Variants in FREM2 observed in about 807,000 individuals in gnomAD.
The protein encoded by FREM2 is FRAS1-related extracellular matrix protein 2.
In FREM2, 119 loss-of-function variants were observed where a neutral mutation model predicts 219.9. That is an observed-to-expected ratio of 0.54 (90% CI 0.47 to 0.63). The LOEUF is 0.63. FREM2 is among the 30% of genes least tolerant of loss of function. The probability of loss-of-function intolerance (pLI) is 0.00; values close to 1 mark genes in which losing one functional copy is unlikely to be tolerated. For synonymous variants in FREM2, 1,562 were observed against 1,522.8 expected, an observed-to-expected ratio of 1.03 and a Z score of -0.60; for missense variants, 4,030 against 3,993.6, an observed-to-expected ratio of 1.01 and a Z score of -0.25.
intron 6 of FREM2, among the ~76,000 whole-genome samples, chr13:38,839,092 G>A (rs1402129378): frequency 6.6e-6 from 1 of 151,992 alleles, no homozygotes; most frequent in African/African-American, 2.4e-5. Context: ...TCATCTTCGT[G>A]GATTTATCTA....
At position 38,692,077 on chromosome 13, in the gene FREM2, A is replaced by G. The variant is rs749632526; in HGVS notation, c.4733A>G (p.His1578Arg). 30 of 1,614,076 alleles carry G rather than the reference A, an allele frequency of 1.9e-5. No individual in the cohort carries two copies. The highest frequency in any genetic ancestry group is 2.5e-6 in the Non-Finnish European group (3 of 1,180,032). The change falls in exon 1 of 24, where the codon CAT becomes CGT. Residue 1578 changes from histidine (H) to arginine (R), a missense_variant. Physicochemically the swap from His to Arg is conservative, Grantham distance 29 (BLOSUM62 0). Transcript: ENST00000280481. ...LKFTITQVPI[H>R]GHLLFNNTRP... ...TTCACTATCACCCAGGTGCCTATTC[A>G]TGGCCATCTCCTATTCAACAATACC...
intron 6 of FREM2, among the ~76,000 whole-genome samples, chr13:38,790,155 T>A (rs1340498172): frequency 4.6e-5 from 7 of 152,112 alleles, no homozygotes; most frequent in Non-Finnish European, 7.4e-5. Flanking sequence ...TATTGAGACA[T>A]TTTTTCCCCG....
chr13:38,810,924 G>C (rs1167675219), intron 6 of FREM2, among the ~76,000 whole-genome samples: 1 of 152,014 alleles, frequency 6.6e-6, no homozygotes, highest in Non-Finnish European at 1.5e-5. Flanking sequence ...ATTCAGCAGT[G>C]AAGCTGTCAG....
At chr13:38,879,020 A>G (rs1320550095) in intron 23 of FREM2, 43 bp downstream of exon 23, 4 of 1,583,616 alleles carry the variant, frequency 2.5e-6, no homozygotes, top group African/African-American at 1.3e-5. Context: ...GTGTACCCAC[A>G]TGCAAGTTAT....
chr13:38,808,168 T>C (rs1186663221), intron 6 of FREM2, among the ~76,000 whole-genome samples: 1 of 151,966 alleles, frequency 6.6e-6, no homozygotes, highest in Non-Finnish European at 1.5e-5. Flanking sequence ...TCCCAACTTT[T>C]CTTCTGAAGC....
At chr13:38,780,865 A>G (rs1158525501) in intron 4 of FREM2, among the ~76,000 whole-genome samples, 3 of 152,158 alleles carry the variant, frequency 2.0e-5, no homozygotes, top group East Asian at 3.9e-4. Flanking sequence ...ACAGCCTCCA[A>G]TGAGGTCACA....
intron 6 of FREM2, among the ~76,000 whole-genome samples, chr13:38,811,542 A>T (rs1388921474): frequency 5.3e-5 from 8 of 151,946 alleles, no homozygotes; most frequent in African/African-American, 1.9e-4. Context: ...TTTCCTTCTT[A>T]ATTTCTGCAT....
At chr13:38,804,324 C>T (rs1368240274) in intron 6 of FREM2, among the ~76,000 whole-genome samples, 2 of 150,648 alleles carry the variant, frequency 1.3e-5, no homozygotes, top group Non-Finnish European at 2.9e-5. Context: ...AATTTTTCCA[C>T]ATGAGAAGGA....
rs149117682 is a variant in FREM2 at position 38,884,291 on chromosome 13, A to G, written c.*3504A>G. ...GTGTGCCAACTCCAAAGTCAACATTAAAAATGTAAATGGACCTGTGTAAAT... is the reference window on the plus strand; with the variant it reads ...GTGTGCCAACTCCAAAGTCAACATTGAAAATGTAAATGGACCTGTGTAAAT... On this transcript the variant is annotated 3_prime_UTR_variant, in exon 24 of 24. Transcript: ENST00000280481. 2.0e-5 allele frequency: 3 copies of G among 152,336 alleles called. No homozygotes were observed. In the East Asian group the frequency reaches 5.8e-4, roughly 29 times the overall value. 9.4% of individuals were successfully genotyped at this position (152,336 alleles called of 1,614,324 possible).
chr13:38,755,600 C>CT (rs1566130088), intron 2 of FREM2, among the ~76,000 whole-genome samples: 1 of 152,152 alleles, frequency 6.6e-6, no homozygotes, highest in Non-Finnish European at 1.5e-5. Flanking sequence ...GATGATTAAA[C>CT]TTTTCTATAG....
intron 2 of FREM2, among the ~76,000 whole-genome samples, chr13:38,728,878 C>T (rs1871646682): frequency 1.3e-5 from 2 of 152,160 alleles, no homozygotes; most frequent in African/African-American, 2.4e-5. Context: ...TCCTGTTGCC[C>T]AGGCTGGAGT....
At chr13:38,776,769 A>C (rs1764654661) in intron 4 of FREM2, among the ~76,000 whole-genome samples, 1 of 151,192 alleles carries the variant, frequency 6.6e-6, no homozygotes, top group Non-Finnish European at 1.5e-5. Flanking sequence ...TTGTCTCTAA[A>C]TCTAAAACTG....
chr13:38,788,428 T>C (rs1874420833), intron 6 of FREM2, among the ~76,000 whole-genome samples: 2 of 152,134 alleles, frequency 1.3e-5, no homozygotes, highest in African/African-American at 4.8e-5. Context: ...CACAGAATCC[T>C]TTTGGTTGAG....
At chr13:38,769,925 C>T (rs765986704) in intron 4 of FREM2, 117 bp downstream of exon 4, 4 of 777,422 alleles carry the variant, frequency 5.1e-6, no homozygotes, top group East Asian at 5.3e-5. Context: ...ATAGAGAGAA[C>T]CTTCTAGATT....
Position 38,764,370 on chromosome 13 carries a change from A to G in FREM2, c.5330A>G (p.Tyr1777Cys). ...GCATGGATCTCCTTTGAAAAGGAAT[A>G]TTACCTGGTCAATGAGGACTCCAAA... Reference protein sequence around the residue: ...NWAWISFEKEYYLVNEDSKFL... With the variant: ...NWAWISFEKECYLVNEDSKFL... The change falls in exon 3 of 24, where the codon TAT becomes TGT. Residue 1777 changes from tyrosine to cysteine, a missense_variant. Transcript: ENST00000280481. 1 of 1,606,358 alleles carries G rather than the reference A, an allele frequency of 6.2e-7. No homozygotes were observed.
At chr13:38,816,785 G>A (rs1468894326) in intron 6 of FREM2, among the ~76,000 whole-genome samples, 1 of 151,946 alleles carries the variant, frequency 6.6e-6, no homozygotes, top group African/African-American at 2.4e-5. Context: ...GAAGCTAAGT[G>A]CCCTGTTTGC....
chr13:38,880,943 C>T lies in FREM2; in HGVS notation c.*156C>T. The T allele has an allele frequency of 1.1e-6, 1 of 934,430 alleles. No homozygotes were observed. Among genetic ancestry groups the T allele is most frequent in the South Asian group, 1.5e-5 (1 of 67,476 alleles). The allele number at this position is 934,430 out of a possible 1,614,324, so 57.9% of individuals were successfully genotyped here. A position where few individuals can be genotyped will look rare whatever the true frequency, so the allele number is the denominator to read the frequency against. On this transcript the variant is annotated 3_prime_UTR_variant, in exon 24 of 24. Coordinates refer to ENST00000280481, the MANE Select transcript of FREM2 (RefSeq NM_207361.6). ...ACTAATGGAGTTTGATTTGAATTCT[C>T]CATACTCTTTTTTGCATCAAAGGAC...
chr13:38,767,015 T>C (rs1566134661), intron 3 of FREM2, among the ~76,000 whole-genome samples: 2 of 152,156 alleles, frequency 1.3e-5, no homozygotes, highest in Admixed American at 1.3e-4. Context: ...ATGAGAAGAG[T>C]ACCATGAGGT....
chr13:38,715,044 A>G (rs1459305547), intron 2 of FREM2, among the ~76,000 whole-genome samples: 3 of 152,190 alleles, frequency 2.0e-5, no homozygotes, highest in African/African-American at 7.2e-5. Context: ...GTGAGCCGAG[A>G]TCGTGCCATT....
Sources: allele counts gnomAD v4.1 joint callset (sites outside exome capture counted in the v4.1 genomes callset), GRCh38; gene constraint gnomAD v4.1.1; transcripts MANE v1.5; gene names NCBI Gene and HGNC (gene_info 2026-07-23, HGNC 2026-07-21).